NUBPL: variants seen among roughly 807,000 people sequenced by gnomAD.
NUBPL encodes the protein NUBP iron-sulfur cluster assembly factor, mitochondrial.
NUBPL carries 31 observed loss-of-function variants against 45.7 expected under a neutral mutation model. That is an observed-to-expected ratio of 0.68 (90% CI 0.51 to 0.92). NUBPL has a LOEUF of 0.92. NUBPL is among the 40% of genes least tolerant of loss of function. NUBPL has a pLI of 0.00. For synonymous variants in NUBPL, 144 were observed against 140.9 expected, an observed-to-expected ratio of 1.02 and a Z score of -0.15; for missense variants, 401 against 398.7, an observed-to-expected ratio of 1.01 and a Z score of -0.05.
At chr14:31,646,577 C>T (rs898274692) in intron 4 of NUBPL, among the ~76,000 whole-genome samples, 7 of 152,084 alleles carry the variant, frequency 4.6e-5, no homozygotes, top group African/African-American at 1.4e-4. Flanking sequence ...AGTGTGTTGC[C>T]AAATGAATTG....
intron 6 of NUBPL, among the ~76,000 whole-genome samples, chr14:31,683,747 AT>A (rs1425023484): frequency 2.0e-5 from 3 of 151,372 alleles, no homozygotes; most frequent in Non-Finnish European, 4.4e-5. Flanking sequence ...GTTTTTCTTT[AT>A]CTTAAAAATC....
Position 31,814,698 on chromosome 14 carries a change from T to G in NUBPL, c.608-11931T>G, listed in dbSNP as rs1239512568. Among the ~76,000 whole-genome samples, 3 of 152,204 alleles carry G rather than the reference T, an allele frequency of 2.0e-5. No homozygotes were observed. In the East Asian group the frequency reaches 5.8e-4, roughly 29 times the overall value. ...TTACACTTAAACCTTTAATCCATCTTGAATTAATTTTTGAATAAGGTGTAA... is the reference window on the plus strand; with the variant it reads ...TTACACTTAAACCTTTAATCCATCTGGAATTAATTTTTGAATAAGGTGTAA... On this transcript the variant is annotated intron_variant, in intron 7 of 10. Transcript: ENST00000281081.
chr14:31,565,015 G>T lies in NUBPL; in HGVS notation c.258G>T (p.Val86=). ...AATTACTTTTTTTGTTTCTTACAGT[G>T]AATCTTGCACTTGCACTAGCAGCGA... The part of the protein sequence containing the change: ...KGGVGKSTTA[V]NLALALAAND... The change falls in exon 3 of 11, where the codon GTG becomes GTT. Residue 86 remains valine, a splice_region_variant and synonymous_variant. Transcript: ENST00000281081. The T allele has an allele frequency of 6.5e-7, 1 of 1,542,740 alleles. No homozygotes were observed.
chr14:31,742,644 C>T (rs1011800042), intron 6 of NUBPL, among the ~76,000 whole-genome samples: 4 of 152,186 alleles, frequency 2.6e-5, no homozygotes, highest in African/African-American at 7.2e-5. Context: ...TACTCTGTCG[C>T]CCAGGCTAGA....
intron 3 of NUBPL, among the ~76,000 whole-genome samples, chr14:31,579,604 CAGT>C (rs1421544154): frequency 1.3e-5 from 2 of 152,174 alleles, no homozygotes; most frequent in Non-Finnish European, 2.9e-5. Flanking sequence ...AATGCAGTTT[CAGT>C]GGTGGTGTCA....
chr14:31,626,597 A>T (rs531183281), intron 4 of NUBPL, among the ~76,000 whole-genome samples: 1 of 152,340 alleles, frequency 6.6e-6, no homozygotes, highest in Non-Finnish European at 1.5e-5. Flanking sequence ...TTTAGAGAAT[A>T]TGTAAGATGG....
intron 4 of NUBPL, among the ~76,000 whole-genome samples, chr14:31,668,302 G>T (rs1350406012): frequency 6.6e-6 from 1 of 152,206 alleles, no homozygotes; most frequent in Non-Finnish European, 1.5e-5. Flanking sequence ...TAGCTGCTTT[G>T]CTGCACTGTG....
At chr14:31,817,172 G>GGGACTC (rs201975971) in intron 7 of NUBPL, among the ~76,000 whole-genome samples, 2,032 of 152,212 alleles carry the variant, frequency 0.013, 41 homozygotes, top group African/African-American at 0.047. Flanking sequence ...CCAGAAACAT[G>GGGACTC]TGAAAAGACC....
intron 4 of NUBPL, among the ~76,000 whole-genome samples, chr14:31,652,614 T>A (rs73253205): frequency 6.6e-6 from 1 of 152,132 alleles, no homozygotes; most frequent in African/African-American, 2.4e-5. Flanking sequence ...TGATGGCATT[T>A]ATATAAAGTA....
At chr14:31,829,884 A>T (rs2040162466) in intron 8 of NUBPL, among the ~76,000 whole-genome samples, 1 of 152,236 alleles carries the variant, frequency 6.6e-6, no homozygotes, top group South Asian at 2.1e-4. Context: ...ATCCTCAATT[A>T]TCTCAATATT....
At chr14:31,691,109 G>GC (rs1321653672) in intron 6 of NUBPL, among the ~76,000 whole-genome samples, 1 of 151,932 alleles carries the variant, frequency 6.6e-6, no homozygotes, top group Non-Finnish European at 1.5e-5. Flanking sequence ...CTAATACTGA[G>GC]CCCCCTAAGT....
At chr14:31,594,905 C>A (rs1020676546) in intron 3 of NUBPL, among the ~76,000 whole-genome samples, 3 of 152,104 alleles carry the variant, frequency 2.0e-5, no homozygotes, top group African/African-American at 7.2e-5. Context: ...TAGCTGGGTA[C>A]TTCTGTAGAA....
chr14:31,727,938 G>T (rs1002060265), intron 6 of NUBPL, among the ~76,000 whole-genome samples: 3 of 152,092 alleles, frequency 2.0e-5, no homozygotes, highest in Non-Finnish European at 2.9e-5. Context: ...TATATATTAT[G>T]ATGTAGTCAT....
intron 8 of NUBPL, among the ~76,000 whole-genome samples, chr14:31,836,076 C>G (rs1490075443): frequency 6.6e-6 from 1 of 152,126 alleles, no homozygotes; most frequent in Non-Finnish European, 1.5e-5. Flanking sequence ...AAATTGGAGC[C>G]TTTTGGGCCT....
intron 6 of NUBPL, among the ~76,000 whole-genome samples, chr14:31,772,395 A>G (rs2039024542): frequency 6.6e-6 from 1 of 152,170 alleles, no homozygotes; most frequent in African/African-American, 2.4e-5. Flanking sequence ...TCACCTTCCT[A>G]GGTTATGAAC....
chr14:31,614,957 A>G (rs1229391717), intron 4 of NUBPL, among the ~76,000 whole-genome samples: 1 of 152,200 alleles, frequency 6.6e-6, no homozygotes, highest in African/African-American at 2.4e-5. Flanking sequence ...TAGATAAGCC[A>G]GGAGTCTGTT....
chr14:31,593,594 C>T (rs2034207090), intron 3 of NUBPL, among the ~76,000 whole-genome samples: 1 of 149,844 alleles, frequency 6.7e-6, no homozygotes, highest in Non-Finnish European at 1.5e-5. Flanking sequence ...CCTGCAGATA[C>T]CTAGAGACAA....
rs142962845 is a variant in NUBPL, at chr14:31,766,485, T to C, written c.514-21295T>C. Among the ~76,000 whole-genome samples, 347 of 152,342 alleles carry C rather than the reference T, an allele frequency of 2.3e-3. 1 individual carries two copies. The highest frequency in any genetic ancestry group is 8.0e-3 in the African/African-American group (331 of 41,582). ...CCAGCTGCACAATGTTTCCACAGTGTACTTTGCTCCAAAGAAATTTCTCTG... is the reference window on the plus strand; with the variant it reads ...CCAGCTGCACAATGTTTCCACAGTGCACTTTGCTCCAAAGAAATTTCTCTG... On this transcript the variant is annotated intron_variant, in intron 6 of 10. Transcript: ENST00000281081.
chr14:31,641,715 CA>C (rs1454114985), intron 4 of NUBPL, among the ~76,000 whole-genome samples: 3 of 152,112 alleles, frequency 2.0e-5, no homozygotes, highest in Non-Finnish European at 2.9e-5. Context: ...ATTGCTGGAT[CA>C]AATGGTAGTT....
Sources: gnomAD v4.1 joint callset for allele counts (sites outside exome capture counted in the v4.1 genomes callset) on GRCh38, gnomAD v4.1.1 for gene constraint, MANE v1.5 for transcripts, NCBI Gene and HGNC (gene_info 2026-07-23, HGNC 2026-07-21) for gene names.